The following TRAK1 variants were observed in gnomAD, a reference collection of about 807,000 sequenced individuals.
The protein encoded by TRAK1 is trafficking kinesin-binding protein 1.
In TRAK1, 33 loss-of-function variants were observed where a neutral mutation model predicts 92.1. The observed-to-expected ratio is 0.36, with a 90% confidence interval of 0.27 to 0.48. The LOEUF is 0.48. Among genes scored for constraint, TRAK1 ranks in the 20% least tolerant of loss-of-function variants. The pLI is 0.99. For synonymous variants in TRAK1, 521 were observed against 517.3 expected (o/e 1.01, Z -0.10); for missense variants, 1,123 against 1,257.9 (o/e 0.89, Z 1.62).
At chr3:42,138,309 C>G (rs1010925213) in intron 2 of TRAK1, among the ~76,000 whole-genome samples, 2 of 152,160 alleles carry the variant, frequency 1.3e-5, no homozygotes, top group African/African-American at 4.8e-5. Context: ...TAATTTTCAT[C>G]TTCAGAGAGT....
intron 1 of TRAK1, among the ~76,000 whole-genome samples, chr3:42,061,734 T>C (rs1179103628): frequency 6.6e-6 from 1 of 152,206 alleles, no homozygotes; most frequent in Non-Finnish European, 1.5e-5. Flanking sequence ...ATCTAATTTA[T>C]GAATCAGAAC....
At chr3:42,112,817 C>G (rs1255868669) in intron 1 of TRAK1, among the ~76,000 whole-genome samples, 1 of 151,540 alleles carries the variant, frequency 6.6e-6, no homozygotes, top group African/African-American at 2.4e-5. Flanking sequence ...ATCTCCTAGG[C>G]TGGAGTGTAG....
intron 1 of TRAK1, among the ~76,000 whole-genome samples, chr3:42,123,121 G>C (rs937242629): frequency 2.0e-5 from 3 of 152,156 alleles, no homozygotes; most frequent in African/African-American, 7.2e-5. Flanking sequence ...GGGAGGGGTG[G>C]GTGCTGACAG....
intron 1 of TRAK1, among the ~76,000 whole-genome samples, chr3:42,111,550 C>G (rs1225616896): frequency 6.6e-6 from 1 of 152,062 alleles, no homozygotes; most frequent in Non-Finnish European, 1.5e-5. Context: ...CGCCCACTAC[C>G]ATGCCCGGCT....
chr3:42,113,207 C>T (rs1388158739), intron 1 of TRAK1, among the ~76,000 whole-genome samples: 3 of 152,184 alleles, frequency 2.0e-5, no homozygotes, highest in Non-Finnish European at 4.4e-5. Flanking sequence ...TGCATCACTG[C>T]ACTTCAGCCT....
intron 1 of TRAK1, among the ~76,000 whole-genome samples, chr3:42,032,370 G>C (rs1245330867): frequency 6.6e-6 from 1 of 151,926 alleles, no homozygotes; most frequent in Non-Finnish European, 1.5e-5. Context: ...CCTCTGTGCA[G>C]TGCAGCGAGG....
intron 7 of TRAK1, among the ~76,000 whole-genome samples, 165 bp from the exon 8 acceptor site, chr3:42,192,910 T>C (rs1230329375): frequency 1.3e-5 from 2 of 152,174 alleles, no homozygotes; most frequent in Non-Finnish European, 2.9e-5. Flanking sequence ...TGCTTCTCCA[T>C]GTGGGAAAAT....
chr3:42,219,703 A>G (rs1439074597), intron 15 of TRAK1, 107 bp downstream of exon 15: 1 of 1,247,368 alleles, frequency 8.0e-7, no homozygotes, highest in Non-Finnish European at 1.1e-6. Context: ...GCTCATAGAA[A>G]AACCAACTGA....
At chr3:42,201,430 C>A (rs980189538) in intron 12 of TRAK1, among the ~76,000 whole-genome samples, 1 of 151,686 alleles carries the variant, frequency 6.6e-6, no homozygotes, top group African/African-American at 2.4e-5. Context: ...CACTGCACTC[C>A]TGTCTGGGTG....
At chr3:42,146,121 CCAACTACATTG>C in intron 2 of TRAK1, 1 of 458,226 alleles carries the variant, frequency 2.2e-6, no homozygotes, top group South Asian at 1.8e-5. Context: ...GATTTATACA[CCAACTACATTG>C]TGTCCTTGGT....
intron 1 of TRAK1, among the ~76,000 whole-genome samples, chr3:42,105,029 G>A (rs1408927582): frequency 2.0e-5 from 3 of 147,094 alleles, no homozygotes; most frequent in East Asian, 2.0e-4. Flanking sequence ...TTGGCTCACC[G>A]CAACCTCTGC....
At chr3:42,210,987 C>T in intron 14 of TRAK1, 1 of 985,414 alleles carries the variant, frequency 1.0e-6, no homozygotes, top group Non-Finnish European at 1.2e-6. Context: ...CAACAGCATG[C>T]TCTGTCTAGA....
intron 1 of TRAK1, among the ~76,000 whole-genome samples, chr3:42,025,741 T>C (rs937976985): frequency 3.9e-5 from 6 of 152,168 alleles, no homozygotes; most frequent in African/African-American, 1.4e-4. Context: ...CTGGAGAATC[T>C]GCTGGAGAAG....
Position 42,225,299 on chromosome 3 carries a change from A to C in TRAK1, c.*1562A>C, listed in dbSNP as rs1180511940. 2 of 152,316 alleles carry C rather than the reference A, an allele frequency of 1.3e-5. No homozygotes were observed. The highest frequency in any genetic ancestry group is 1.3e-4 in the Admixed American group (2 of 15,300). 9.4% of individuals were successfully genotyped at this position (152,316 alleles called of 1,614,324 possible). On this transcript the variant is annotated 3_prime_UTR_variant, in exon 16 of 16. Transcript: ENST00000327628. ...CATGCTGTGTCCTCCCCGGCAGCAG[A>C]AGATGTGTCCTTCCATTGAGTGAGG... is the stretch of plus-strand genomic sequence containing the variant.
Position 42,118,418 on chromosome 3 carries a change from T to C in TRAK1, c.92-7002T>C, listed in dbSNP as rs563242250. Among the ~76,000 whole-genome samples the C allele has an allele frequency of 1.2e-3, 187 of 152,356 alleles. 1 individual carries two copies. The highest frequency in any genetic ancestry group is 4.1e-3 in the African/African-American group (172 of 41,586). The stretch of plus-strand genomic sequence containing the variant: ...AGATCTGTATTTACATGAGGTTCTC[T>C]GAGTGTTAAATGTTGGACACTAATT... On this transcript the variant is annotated intron_variant, in intron 1 of 15. Transcript: ENST00000327628.
upstream of TRAK1, chr3:42,087,405 G>A (rs1704729976): frequency 6.5e-6 from 1 of 152,948 alleles, no homozygotes; most frequent in Non-Finnish European, 1.5e-5. Flanking sequence ...TTACTGGTAT[G>A]GGGGCCCTTT....
At chr3:42,078,752 CAA>C (rs748321736) in intron 1 of TRAK1, among the ~76,000 whole-genome samples, 2,128 of 49,366 alleles carry the variant, frequency 0.043, 51 homozygotes, top group African/African-American at 0.13. Context: ...GATTCCATCT[CAA>C]AAAAAAAAAA....
chr3:42,177,078 C>T (rs1018148055), intron 3 of TRAK1, among the ~76,000 whole-genome samples, 188 bp downstream of exon 3: 2 of 152,064 alleles, frequency 1.3e-5, no homozygotes, highest in African/African-American at 4.8e-5. Context: ...TAATTGTGTG[C>T]AGATATTTTA....
At chr3:42,148,620 G>A (rs1346251230) in intron 2 of TRAK1, among the ~76,000 whole-genome samples, 1 of 152,150 alleles carries the variant, frequency 6.6e-6, no homozygotes, top group Non-Finnish European at 1.5e-5. Context: ...GATTACACAT[G>A]TACGTGTCCA....
Sources: allele counts gnomAD v4.1 joint callset (sites outside exome capture counted in the v4.1 genomes callset), GRCh38; gene constraint gnomAD v4.1.1; transcripts MANE v1.5; gene names NCBI Gene and HGNC (gene_info 2026-07-23, HGNC 2026-07-21).